DNAH10: variants seen among roughly 807,000 people sequenced by gnomAD.
The protein encoded by DNAH10 is dynein axonemal heavy chain 10.
In DNAH10, 348 loss-of-function variants were observed where a neutral mutation model predicts 506.6. That is an observed-to-expected ratio of 0.69 (90% CI 0.63 to 0.75). The LOEUF is 0.75. DNAH10 is among the 30% of genes least tolerant of loss of function. DNAH10 has a pLI of 0.00. For missense variants in DNAH10, 5,179 were observed against 5,787.1 expected (o/e 0.89, Z 3.41); for synonymous variants, 2,059 against 2,198.6 (o/e 0.94, Z 1.78).
At position 123,785,585 on chromosome 12, in the gene DNAH10, G is replaced by T. The variant is rs140214097; in HGVS notation, c.1231-161G>T. 4.2e-3 allele frequency among the ~76,000 whole-genome samples: 630 copies of T among 148,884 alleles called. 14 individuals are homozygous for T. The highest frequency in any genetic ancestry group is 0.021 in the East Asian group (107 of 5,058). ...CGCAGGGGAGTCGAGGCTGCAGTAA[G>T]CCATGTTTGTGCCATTGCACTCCAG... On this transcript the variant is annotated intron_variant, in intron 8 of 78. Transcript: ENST00000673944. The surrounding 1 kb of genome is among the most constrained non-coding windows in gnomAD (Gnocchi z 4.1).
chr12:123,791,251 C>T (rs1958069371), intron 11 of DNAH10, among the ~76,000 whole-genome samples: 1 of 152,142 alleles, frequency 6.6e-6, no homozygotes, highest in Admixed American at 6.6e-5. Flanking sequence ...GGAGATGATA[C>T]AGGAGGTGAT....
At chr12:123,832,211 G>A (rs574385166) in intron 26 of DNAH10, among the ~76,000 whole-genome samples, 1 of 151,966 alleles carries the variant, frequency 6.6e-6, no homozygotes, top group African/African-American at 2.4e-5. Flanking sequence ...ATATATACAT[G>A]TATACATATA....
intron 2 of DNAH10, among the ~76,000 whole-genome samples, chr12:123,768,434 C>T (rs538030929): frequency 4.6e-5 from 7 of 152,232 alleles, no homozygotes; most frequent in South Asian, 2.1e-4. Context: ...CATACCCGGC[C>T]GTCCTCTCTC....
At chr12:123,799,156 A>G (rs1304391354) in intron 13 of DNAH10, 90 bp from the exon 14 acceptor site, 9 of 781,216 alleles carry the variant, frequency 1.2e-5, no homozygotes, top group Non-Finnish European at 1.4e-5. Flanking sequence ...TATATATTAT[A>G]TTTATAATTT....
intron 35 of DNAH10, among the ~76,000 whole-genome samples, chr12:123,852,675 C>T (rs544296445): frequency 8.4e-4 from 127 of 151,838 alleles, no homozygotes; most frequent in Admixed American, 1.5e-3. Flanking sequence ...CAGGTTCAAG[C>T]GGATTCTCCT....
At chr12:123,768,358 C>A (rs1413813396) in intron 2 of DNAH10, among the ~76,000 whole-genome samples, 1 of 152,030 alleles carries the variant, frequency 6.6e-6, no homozygotes, top group Admixed American at 6.5e-5. Flanking sequence ...TGGTCTTGAA[C>A]TCCCGTCCTC....
Position 123,873,706 on chromosome 12 carries a change from C to A in DNAH10, c.7934C>A (p.Pro2645Gln). The A allele has an allele frequency of 6.2e-7, 1 of 1,607,492 alleles. No individual in the cohort carries two copies. The highest frequency in any genetic ancestry group is 8.5e-7 in the Non-Finnish European group (1 of 1,176,820). The change falls in exon 46 of 79, where the codon CCA becomes CAA. Residue 2645 changes from proline (P) to glutamine (Q), a missense_variant. Transcript: ENST00000673944. ...GTGTTCATGGATGACATGAATATGC[C>A]AAGGGTAGTTTGACGCTCAAGCAGG... ...LLVFMDDMNM[P>Q]RVDEYGTQQP...
At chr12:123,765,265 G>A (rs114992273) in intron 1 of DNAH10, among the ~76,000 whole-genome samples, 7 of 152,010 alleles carry the variant, frequency 4.6e-5, no homozygotes, top group African/African-American at 1.4e-4. Context: ...AAAACAAAAC[G>A]GAATCGTACT....
In DNAH10 at chr12:123,879,198, A is replaced by C; in HGVS notation, c.8373-66A>C. Reference sequence around the variant, plus strand: ...CTGTGTGTCTGTCTGTCTGAATGTCACAGCCGTCAGCCCTGGTATCCTTCA... The same window carrying C: ...CTGTGTGTCTGTCTGTCTGAATGTCCCAGCCGTCAGCCCTGGTATCCTTCA... On this transcript the variant is annotated intron_variant, in intron 48 of 78. Transcript: ENST00000673944. 3 of 1,389,470 alleles carry C rather than the reference A, an allele frequency of 2.2e-6. No homozygotes were observed. In the South Asian group the frequency reaches 3.7e-5, roughly 17 times the overall value. 86.1% of individuals were successfully genotyped at this position (1,389,470 alleles called of 1,614,324 possible).
rs761218141 is a variant in DNAH10 at position 123,864,628 on chromosome 12, A to G, written c.6942A>G (p.Leu2314=). The change falls in exon 40 of 79, where the codon CTA becomes CTG. Residue 2314 remains leucine, a synonymous_variant. Transcript: ENST00000673944. The stretch of plus-strand genomic sequence containing the variant: ...TATTTGATGGTGATGTGGATGCTCT[A>G]TGGGTGGAAAACATGAATTCTGTGA... ...YILFDGDVDA[L]WVENMNSVMD... is the part of the protein sequence containing the mutation. The G allele has an allele frequency of 5.6e-6, 9 of 1,613,856 alleles. No individual in the cohort carries two copies. In the African/African-American group the frequency reaches 6.7e-5, roughly 12 times the overall value.
In DNAH10 at chr12:123,914,386, C is replaced by T; in HGVS notation, c.10410C>T (p.Cys3470=). The change falls in exon 61 of 79, where the codon TGC becomes TGT. Residue 3470 remains cysteine, a synonymous_variant. Coordinates refer to ENST00000673944, the MANE Select transcript of DNAH10 (RefSeq NM_001372106.1). ...GGCGCGTGAAGCTGCTGGGGGACTG[C>T]CTGCTCTGCGCGGCTTTCCTCAGCT... ...MHRRVKLLGD[C]LLCAAFLSYE... is the part of the protein sequence containing the mutation. 2 of 1,613,546 alleles carry T rather than the reference C, an allele frequency of 1.2e-6. No homozygotes were observed. The highest frequency in any genetic ancestry group is 1.3e-5 in the African/African-American group (1 of 75,068).
chr12:123,917,085 T>C lies in DNAH10; in HGVS notation c.11002+349T>C, dbSNP rs1277043141. ...TTTCTTCCTCTCAGTTGAATTCTGATAGAAATGGGATGTTATCTCTTACAT... is the reference window on the plus strand; with the variant it reads ...TTTCTTCCTCTCAGTTGAATTCTGACAGAAATGGGATGTTATCTCTTACAT... On this transcript the variant is annotated intron_variant, in intron 63 of 78. Coordinates refer to ENST00000673944, the MANE Select transcript of DNAH10 (RefSeq NM_001372106.1). The surrounding 1 kb of genome is among the most constrained non-coding windows in gnomAD (Gnocchi z 5.6). Among the ~76,000 whole-genome samples the C allele has an allele frequency of 6.6e-6, 1 of 152,250 alleles. No homozygotes were observed. The highest frequency in any genetic ancestry group is 1.5e-5 in the Non-Finnish European group (1 of 68,036).
intron 45 of DNAH10, among the ~76,000 whole-genome samples, chr12:123,872,352 A>C (rs1040829267): frequency 5.3e-5 from 8 of 152,032 alleles, no homozygotes; most frequent in African/African-American, 1.9e-4. Flanking sequence ...GGAGCATGGC[A>C]GTGTTTACAG....
intron 30 of DNAH10, among the ~76,000 whole-genome samples, chr12:123,845,305 T>G (rs1377861389): frequency 6.6e-6 from 1 of 152,170 alleles, no homozygotes; most frequent in Non-Finnish European, 1.5e-5. Context: ...GCCCCAAACA[T>G]TTAAAAAGTG....
rs1960441882 is a variant in DNAH10, at chr12:123,830,611, A to G, written c.4457A>G (p.Glu1486Gly). ...GAAATGACCGAAACGTTCACCTTGG[A>G]AAATATGTTTGCTATGGAACTGCAC... Reference protein sequence around the residue: ...FFEMTETFTLENMFAMELHKH... With the variant: ...FFEMTETFTLGNMFAMELHKH... The change falls in exon 26 of 79, where the codon GAA becomes GGA. Residue 1486 changes from glutamate to glycine, a missense_variant. This residue lies in a region of DNAH10 where 4,844 missense variants were observed against 5,430.5 expected (regional missense o/e 0.89). Coordinates refer to ENST00000673944, the MANE Select transcript of DNAH10 (RefSeq NM_001372106.1). 1.2e-6 allele frequency: 2 copies of G among 1,613,762 alleles called. No homozygotes were observed. Among genetic ancestry groups the G allele is most frequent in the African/African-American group, 2.7e-5 (2 of 74,922 alleles).
rs202082264 is a variant in DNAH10, at chr12:123,767,613, A to G, written c.222A>G (p.Ile74Met). Reference protein sequence around the residue: ...PEEVEVEIDEIPVLSEEGEEE... With the variant: ...PEEVEVEIDEMPVLSEEGEEE... ...ATTTATGTGGCCATAAAGATGAGAT[A>G]CCTGTCCTGTCTGAAGAGGGAGAAG... The change falls in exon 2 of 79, where the codon ATA becomes ATG. Residue 74 changes from isoleucine (I) to methionine (M), a missense_variant. Physicochemically the swap from Ile to Met is conservative, Grantham distance 10. Coordinates refer to ENST00000673944, the MANE Select transcript of DNAH10 (RefSeq NM_001372106.1). The G allele has an allele frequency of 6.2e-5, 100 of 1,612,258 alleles. 1 individual carries two copies. In the African/African-American group the frequency reaches 1.2e-3, roughly 19 times the overall value.
intron 47 of DNAH10, among the ~76,000 whole-genome samples, chr12:123,876,025 A>T (rs988420419): frequency 6.6e-6 from 1 of 152,230 alleles, no homozygotes; most frequent in African/African-American, 2.4e-5. Context: ...TGTTATTATT[A>T]TGATTTACTT....
intron 27 of DNAH10, among the ~76,000 whole-genome samples, chr12:123,833,708 A>G (rs1224446120): frequency 6.6e-6 from 1 of 152,096 alleles, no homozygotes; most frequent in Non-Finnish European, 1.5e-5. Flanking sequence ...CGATTTCTCT[A>G]CACTTTTTAA....
chr12:123,830,430 G>C (rs542359327), intron 25 of DNAH10, 116 bp from the exon 26 acceptor site: 2 of 1,193,728 alleles, frequency 1.7e-6, no homozygotes, highest in African/African-American at 3.0e-5. Context: ...TCATGTTGCA[G>C]AATTTCATTA....
Sources: gnomAD v4.1 joint callset for allele counts (sites outside exome capture counted in the v4.1 genomes callset) on GRCh38, gnomAD v4.1.1 for gene constraint, gnomAD v4.1.1 regional missense constraint, Gnocchi (gnomAD v3.1) non-coding constraint, MANE v1.5 for transcripts, NCBI Gene and HGNC (gene_info 2026-07-23, HGNC 2026-07-21) for gene names.